Variants in GLYATL2 observed in about 807,000 individuals in gnomAD.
GLYATL2 encodes the protein glycine N-acyltransferase-like protein 2.
A neutral mutation model predicts 21.4 loss-of-function variants in GLYATL2; 25 were observed. That is an observed-to-expected ratio of 1.17 (90% CI 0.85 to 1.63). The LOEUF is 1.63. Among genes scored for constraint, GLYATL2 ranks in the 40% most tolerant of loss-of-function variants. The pLI, the probability that GLYATL2 is intolerant of heterozygous loss-of-function variation, is 0.00. For missense variants in GLYATL2, 361 were observed against 343.3 expected (o/e 1.05, Z -0.41); for synonymous variants, 114 against 118.2 (o/e 0.96, Z 0.23).
At chr11:58,857,354 C>G (rs1264042007) in intron 1 of GLYATL2, among the ~76,000 whole-genome samples, 1 of 152,338 alleles carries the variant, frequency 6.6e-6, no homozygotes, top group Middle Eastern at 3.4e-3. Flanking sequence ...GGGGAGCTAG[C>G]GGCAGCTGGC....
rs188067012 is a variant in GLYATL2 at position 58,876,328 on chromosome 11, G to T, written n.60+27828C>A. ...CTCCGTCCAGCTTTGTCCCATTGCT[G>T]GTGAGGAGCTGCGTTCCTTTGGAGG... is the stretch of plus-strand genomic sequence containing the variant. On this transcript the variant is annotated intron_variant and non_coding_transcript_variant, in intron 1 of 4. Transcript: ENST00000533636. Among the ~76,000 whole-genome samples the T allele has an allele frequency of 4.7e-3, 715 of 152,288 alleles. 6 individuals are homozygous for T. The highest frequency in any genetic ancestry group is 0.016 in the African/African-American group (676 of 41,550).
chr11:58,834,957 A>T, intron 5 of GLYATL2, 120 bp from the exon 6 acceptor site: 2 of 658,008 alleles, frequency 3.0e-6, no homozygotes, highest in Non-Finnish European at 5.1e-6. Context: ...GAGGCAATAG[A>T]TGCATAACAA....
chr11:58,834,240 A>G lies in GLYATL2; in HGVS notation c.*189T>C, dbSNP rs1701592199. ...GTCATAAAGGAAATTATGAGACCAT[A>G]AAATTGAGCTTCTAATTTTCTGTAA... On this transcript the variant is annotated 3_prime_UTR_variant, in exon 6 of 6. Transcript: ENST00000287275. 2.3e-6 allele frequency: 1 copy of G among 439,514 alleles called. No homozygotes were observed. Among genetic ancestry groups the G allele is most frequent in the South Asian group, 7.1e-5 (1 of 14,150 alleles). The allele number at this position is 439,514 out of a possible 1,614,324, so 27.2% of individuals were successfully genotyped here.
chr11:58,909,671 A>G, the GLYATL2 span, among the ~76,000 whole-genome samples: 1 of 152,216 alleles, frequency 6.6e-6, no homozygotes, highest in Non-Finnish European at 1.5e-5. Flanking sequence ...ATTTGATGGT[A>G]TATAAGGAGA....
chr11:58,862,929 T>C (rs1374272352), intron 1 of GLYATL2, among the ~76,000 whole-genome samples: 2 of 152,198 alleles, frequency 1.3e-5, no homozygotes, highest in East Asian at 3.8e-4. Context: ...GTTATTCTAG[T>C]CTTTGTATAC....
intron 1 of GLYATL2, among the ~76,000 whole-genome samples, chr11:58,856,272 G>T (rs1853826510): frequency 6.6e-6 from 1 of 152,064 alleles, no homozygotes; most frequent in Non-Finnish European, 1.5e-5. Flanking sequence ...TTAGAGTCTT[G>T]CTCAGGATTA....
intron 1 of GLYATL2, among the ~76,000 whole-genome samples, chr11:58,858,550 T>C (rs926808355): frequency 6.6e-6 from 1 of 152,166 alleles, no homozygotes; most frequent in African/African-American, 2.4e-5. Context: ...TCTTAAGATG[T>C]TGAGTTTTAT....
chr11:58,838,428 T>A lies in GLYATL2; in HGVS notation c.79-60A>T, dbSNP rs1199011433. The A allele has an allele frequency of 7.6e-6, 8 of 1,055,144 alleles. No individual in the cohort carries two copies. In the Admixed American group the frequency reaches 1.2e-4, roughly 15 times the overall value. The allele number at this position is 1,055,144 out of a possible 1,614,324, so 65.4% of individuals were successfully genotyped here. ...AGTTCTTCTCCAATATAGAGTCTTA[T>A]ATGTGGAGAAATAAGACATGACATG... On this transcript the variant is annotated intron_variant, in intron 2 of 5. Coordinates refer to ENST00000287275, the MANE Select transcript of GLYATL2 (RefSeq NM_145016.4).
At chr11:58,874,001 C>T (rs532348893) in intron 1 of GLYATL2, among the ~76,000 whole-genome samples, 66 of 152,082 alleles carry the variant, frequency 4.3e-4, no homozygotes, top group African/African-American at 1.4e-3. Flanking sequence ...AACTTCTTCC[C>T]GGTTTAGTCT....
At chr11:58,840,361 A>G (rs915377844) in intron 1 of GLYATL2, among the ~76,000 whole-genome samples, 5 of 152,152 alleles carry the variant, frequency 3.3e-5, no homozygotes, top group African/African-American at 1.2e-4. Context: ...AATTTATTAT[A>G]ATATACTGTA....
chr11:58,905,289 C>G, upstream of GLYATL2: 1 of 375,292 alleles, frequency 2.7e-6, no homozygotes, highest in Non-Finnish European at 5.4e-6. Context: ...CTAGACCTCA[C>G]GCAGACGCGG....
chr11:58,836,830 G>A (rs1220684048), intron 5 of GLYATL2, among the ~76,000 whole-genome samples, 185 bp downstream of exon 5: 1 of 152,104 alleles, frequency 6.6e-6, no homozygotes, highest in African/African-American at 2.4e-5. Context: ...TATGCATAAA[G>A]ACCTTGTCTA....
At chr11:58,872,463 A>G (rs1854141308) in intron 1 of GLYATL2, among the ~76,000 whole-genome samples, 1 of 152,222 alleles carries the variant, frequency 6.6e-6, no homozygotes, top group South Asian at 2.1e-4. Context: ...ATTTTTGTAT[A>G]AGGTGTAAGG....
chr11:58,882,858 G>A (rs1854365728), intron 1 of GLYATL2, among the ~76,000 whole-genome samples: 1 of 151,946 alleles, frequency 6.6e-6, no homozygotes, highest in Non-Finnish European at 1.5e-5. Flanking sequence ...GTTTGTCAAA[G>A]ATCAGATGGT....
chr11:58,890,583 T>C (rs1233641915), intron 1 of GLYATL2, among the ~76,000 whole-genome samples: 1 of 152,194 alleles, frequency 6.6e-6, no homozygotes, highest in Non-Finnish European at 1.5e-5. Context: ...AGATATTTCA[T>C]TTAATTTCCA....
At chr11:58,905,758 G>GGGGGGGGGGGGGGGGGGGC, upstream of GLYATL2, 2 of 27,562 alleles carry the variant, frequency 7.3e-5, 1 homozygote, top group Non-Finnish European at 1.4e-4. Context: ...GGGCGGGTGG[G>GGGGGGGGGGGGGGGGGGGC]CGCGCAGTCC....
chr11:58,892,565 T>C (rs1341178872), intron 1 of GLYATL2: 1 of 232,110 alleles, frequency 4.3e-6, no homozygotes, highest in Non-Finnish European at 9.4e-6. Flanking sequence ...TAAACTCAAG[T>C]CTGAGAATTA....
At chr11:58,841,586 C>A (rs1291802053) in intron 1 of GLYATL2, among the ~76,000 whole-genome samples, 1 of 152,170 alleles carries the variant, frequency 6.6e-6, no homozygotes, top group African/African-American at 2.4e-5. Flanking sequence ...ACTGCAACTT[C>A]AAAGATGGAC....
intron 1 of GLYATL2, among the ~76,000 whole-genome samples, chr11:58,862,163 T>G (rs1853944156): frequency 6.6e-6 from 1 of 152,192 alleles, no homozygotes; most frequent in African/African-American, 2.4e-5. Flanking sequence ...AAGCTTCTGC[T>G]CATAAATCTG....
Sources: allele counts gnomAD v4.1 joint callset (sites outside exome capture counted in the v4.1 genomes callset), GRCh38; gene constraint gnomAD v4.1.1; transcripts MANE v1.5; gene names NCBI Gene and HGNC (gene_info 2026-07-23, HGNC 2026-07-21).